The following KCNK13 variants were observed in gnomAD, a reference collection of about 807,000 sequenced individuals.
KCNK13 encodes potassium two pore domain channel subfamily K member 13.
KCNK13 carries 12 observed loss-of-function variants against 23.4 expected under a neutral mutation model. The observed-to-expected ratio is 0.51, with a 90% CI of 0.33 to 0.83. The LOEUF is 0.83. KCNK13 is among the 40% of genes least tolerant of loss of function. The pLI is 0.02. For synonymous variants in KCNK13, 231 were observed against 229.5 expected (o/e 1.01, Z -0.06); for missense variants, 463 against 556.3 (o/e 0.83, Z 1.69).
At chr14:90,172,145 C>T (rs570204719) in intron 1 of KCNK13, among the ~76,000 whole-genome samples, 4 of 151,980 alleles carry the variant, frequency 2.6e-5, no homozygotes, top group East Asian at 3.9e-4. Flanking sequence ...GGTGGAACCC[C>T]GTCTCTACTA....
intron 1 of KCNK13, among the ~76,000 whole-genome samples, chr14:90,073,350 T>C (rs759720794): frequency 6.6e-6 from 1 of 152,166 alleles, no homozygotes; most frequent in Non-Finnish European, 1.5e-5. Flanking sequence ...GGCAGTCCTC[T>C]CAAAGCTGCA....
At chr14:90,096,208 C>T (rs1250809703) in intron 1 of KCNK13, among the ~76,000 whole-genome samples, 2 of 152,176 alleles carry the variant, frequency 1.3e-5, no homozygotes, top group Non-Finnish European at 2.9e-5. Flanking sequence ...TGGTGATCAA[C>T]TCAGCCTTCA....
At chr14:90,111,886 G>A (rs745386322) in intron 1 of KCNK13, among the ~76,000 whole-genome samples, 3 of 152,028 alleles carry the variant, frequency 2.0e-5, no homozygotes, top group African/African-American at 7.2e-5. Flanking sequence ...CCTCTTCCAC[G>A]CATCCCTCAC....
Position 90,184,798 on chromosome 14 carries a change from G to T in KCNK13, c.1022G>T (p.Arg341Leu). ...GCAGAGAGTGACACGGACGGGCGCCGGCTCTCAGGGGAGATGATCTCCATG... is the reference window on the plus strand; with the variant it reads ...GCAGAGAGTGACACGGACGGGCGCCTGCTCTCAGGGGAGATGATCTCCATG... ...GVAESDTDGRRLSGEMISMKD... is the reference protein window; with the variant it reads ...GVAESDTDGRLLSGEMISMKD... The change falls in exon 2 of 2, where the codon CGG becomes CTG. Residue 341 changes from arginine to leucine, a missense_variant. Physicochemically the swap from Arg to Leu is moderately radical, Grantham distance 102. Around this residue, in one of 3 missense-constraint regions of KCNK13, gnomAD observed 166 missense variants for 178.8 expected, o/e 0.93. Transcript: ENST00000282146. This position sits in a 1 kb window ranked among gnomAD's most constrained non-coding sequence, Gnocchi z 5.6. The T allele has an allele frequency of 2.5e-6, 4 of 1,612,364 alleles. No individual in the cohort carries two copies. The highest frequency in any genetic ancestry group is 3.4e-6 in the Non-Finnish European group (4 of 1,178,614).
chr14:90,097,649 A>G (rs1889427920), intron 1 of KCNK13, among the ~76,000 whole-genome samples: 1 of 152,128 alleles, frequency 6.6e-6, no homozygotes, highest in Non-Finnish European at 1.5e-5. Context: ...CTGATGGGAG[A>G]ATATTCAAAG....
At chr14:90,074,214 C>T (rs754826645) in intron 1 of KCNK13, among the ~76,000 whole-genome samples, 12 of 152,202 alleles carry the variant, frequency 7.9e-5, no homozygotes, top group African/African-American at 2.4e-4. Flanking sequence ...GTGATCCACC[C>T]GCCTTGGCCT....
At chr14:90,123,654 CAG>C (rs1699320943) in intron 1 of KCNK13, among the ~76,000 whole-genome samples, 1 of 152,122 alleles carries the variant, frequency 6.6e-6, no homozygotes, top group Non-Finnish European at 1.5e-5. Flanking sequence ...ATTTTTGAGA[CAG>C]AGTCTCATTC....
At chr14:90,090,888 G>T (rs1368432902) in intron 1 of KCNK13, among the ~76,000 whole-genome samples, 1 of 152,158 alleles carries the variant, frequency 6.6e-6, no homozygotes, top group Non-Finnish European at 1.5e-5. Context: ...CCATGACTGT[G>T]AGGCCTTCCC....
intron 1 of KCNK13, among the ~76,000 whole-genome samples, chr14:90,106,654 A>C (rs573406334): frequency 6.6e-6 from 1 of 152,282 alleles, no homozygotes; most frequent in East Asian, 1.9e-4. Context: ...AGATAAAATA[A>C]ACTATACATA....
chr14:90,112,279 G>GT (rs891297002), intron 1 of KCNK13, among the ~76,000 whole-genome samples: 2 of 152,126 alleles, frequency 1.3e-5, no homozygotes, highest in African/African-American at 2.4e-5. Flanking sequence ...CTTTTAAAAA[G>GT]TTTTTTTAAA....
At chr14:90,137,951 G>T (rs1439067576) in intron 1 of KCNK13, among the ~76,000 whole-genome samples, 3 of 152,276 alleles carry the variant, frequency 2.0e-5, no homozygotes, top group African/African-American at 4.8e-5. Flanking sequence ...ATGAGGAGTT[G>T]CTGTTATCTA....
At chr14:90,181,056 C>A (rs58701221) in intron 1 of KCNK13, among the ~76,000 whole-genome samples, 1 of 152,030 alleles carries the variant, frequency 6.6e-6, no homozygotes, top group African/African-American at 2.4e-5. Context: ...AGGGTTTCAC[C>A]AGGTTGGCCA....
chr14:90,143,171 C>CT (rs1555352143), intron 1 of KCNK13, among the ~76,000 whole-genome samples: 4 of 123,788 alleles, frequency 3.2e-5, no homozygotes, highest in Non-Finnish European at 5.0e-5. Flanking sequence ...TTCTTTCTTT[C>CT]TTTCTTTTCT....
At chr14:90,172,880 A>G (rs983065483) in intron 1 of KCNK13, among the ~76,000 whole-genome samples, 2 of 152,180 alleles carry the variant, frequency 1.3e-5, no homozygotes, top group African/African-American at 4.8e-5. Flanking sequence ...CAGAGAAATG[A>G]GTGTTGTGAA....
At chr14:90,154,827 A>T (rs1890176335) in intron 1 of KCNK13, among the ~76,000 whole-genome samples, 1 of 152,212 alleles carries the variant, frequency 6.6e-6, no homozygotes, top group Non-Finnish European at 1.5e-5. Flanking sequence ...CCCCTGTGAG[A>T]TATTGCATTG....
At chr14:90,108,697 G>A (rs1351243842) in intron 1 of KCNK13, among the ~76,000 whole-genome samples, 2 of 152,234 alleles carry the variant, frequency 1.3e-5, no homozygotes, top group Non-Finnish European at 2.9e-5. Flanking sequence ...CACAAGTGCA[G>A]AGGCTGTGGT....
intron 1 of KCNK13, among the ~76,000 whole-genome samples, chr14:90,084,897 C>A (rs1889254169): frequency 6.6e-6 from 1 of 151,938 alleles, no homozygotes; most frequent in Admixed American, 6.6e-5. Context: ...ATTTTTTATG[C>A]TATTTATATA....
chr14:90,154,552 T>G (rs940464864), intron 1 of KCNK13, among the ~76,000 whole-genome samples: 4 of 152,236 alleles, frequency 2.6e-5, no homozygotes, highest in Admixed American at 2.6e-4. Context: ...CATCCTGCAG[T>G]CTGTTTCCTG....
At chr14:90,094,733 C>T (rs1188605010) in intron 1 of KCNK13, among the ~76,000 whole-genome samples, 4 of 149,944 alleles carry the variant, frequency 2.7e-5, no homozygotes, top group African/African-American at 9.9e-5. Flanking sequence ...CTGCAAGCTC[C>T]GCCTCCCGGG....
Sources: gnomAD v4.1 joint callset for allele counts (sites outside exome capture counted in the v4.1 genomes callset) on GRCh38, gnomAD v4.1.1 for gene constraint, gnomAD v4.1.1 regional missense constraint, Gnocchi (gnomAD v3.1) non-coding constraint, MANE v1.5 for transcripts, NCBI Gene and HGNC (gene_info 2026-07-23, HGNC 2026-07-21) for gene names.